The following PAX2 variants were observed in gnomAD, a reference collection of about 807,000 sequenced individuals.
The protein encoded by PAX2 is paired box 2.
In PAX2, 9 loss-of-function variants were observed where a neutral mutation model predicts 41.7. The observed-to-expected ratio is 0.22, with a 90% CI of 0.13 to 0.38. The LOEUF is 0.38. Ranked by LOEUF, PAX2 falls within the 10% of genes least tolerant of loss-of-function variation. The probability of loss-of-function intolerance (pLI) is 1.00; values close to 1 mark genes in which losing one functional copy is unlikely to be tolerated. For missense variants in PAX2, 418 were observed against 531.6 expected (o/e 0.79, Z 2.10); for synonymous variants, 221 against 212.7 (o/e 1.04, Z -0.34).
chr10:100,815,390 T>C (rs1303679826), intron 7 of PAX2, among the ~76,000 whole-genome samples: 1 of 152,134 alleles, frequency 6.6e-6, no homozygotes, highest in Non-Finnish European at 1.5e-5. Flanking sequence ...TTCAGACGTG[T>C]GGCAAGTCAG....
At chr10:100,820,556 T>G (rs1457599989) in intron 7 of PAX2, among the ~76,000 whole-genome samples, 1 of 152,076 alleles carries the variant, frequency 6.6e-6, no homozygotes, top group African/African-American at 2.4e-5. Flanking sequence ...CTGTCTCTAC[T>G]AAAAATACAA....
At chr10:100,800,133 C>G (rs779688789) in intron 5 of PAX2, among the ~76,000 whole-genome samples, 2 of 152,150 alleles carry the variant, frequency 1.3e-5, no homozygotes, top group Non-Finnish European at 2.9e-5. Context: ...TCAAATACCT[C>G]ATCTTGCTTC....
At chr10:100,823,226 G>A (rs1001676426) in intron 7 of PAX2, among the ~76,000 whole-genome samples, 13 of 152,318 alleles carry the variant, frequency 8.5e-5, no homozygotes, top group Non-Finnish European at 1.2e-4. Flanking sequence ...CATAAGAACC[G>A]ACAGAGGGAA....
intron 3 of PAX2, among the ~76,000 whole-genome samples, chr10:100,764,235 C>T (rs1444554506): frequency 6.6e-6 from 1 of 150,986 alleles, no homozygotes; most frequent in Non-Finnish European, 1.5e-5. Context: ...CCTCCGCCTC[C>T]CGGGTTCATG....
chr10:100,735,565 G>C (rs1470548271), exon 1 of PAX2: 1 of 612,190 alleles, frequency 1.6e-6, no homozygotes. Context: ...GGGCGGCTCG[G>C]GTTATCTGAG....
At chr10:100,742,660 T>C (rs1398709063), upstream of PAX2, among the ~76,000 whole-genome samples, 1 of 151,664 alleles carries the variant, frequency 6.6e-6, no homozygotes, top group Non-Finnish European at 1.5e-5. Context: ...GCTCCTTGTT[T>C]GAAGTGTAAA....
At chr10:100,806,825 G>C (rs1847801086) in intron 6 of PAX2, among the ~76,000 whole-genome samples, 1 of 152,276 alleles carries the variant, frequency 6.6e-6, no homozygotes, top group East Asian at 1.9e-4. Flanking sequence ...TGAGTTCTGG[G>C]TGCAAGAGTA....
At position 100,805,068 on chromosome 10, in the gene PAX2, ACACAC is replaced by A. The variant is rs1445894059; in HGVS notation, c.617-1361_617-1357del. On this transcript the variant is annotated intron_variant, in intron 5 of 9. Coordinates refer to ENST00000355243, the MANE Select transcript of PAX2 (RefSeq NM_000278.5). Reference sequence around the variant, plus strand: ...CACACACACACACACACACACACACACACACACTTTCTTTGCTTTCCCACCCCCTC... The same window carrying A: ...CACACACACACACACACACACACACAACTTTCTTTGCTTTCCCACCCCCTC... Among the ~76,000 whole-genome samples the A allele has an allele frequency of 4.2e-4, 46 of 110,450 alleles. No individual in the cohort carries two copies. The East Asian group carries it at 0.011, about 27-fold the overall frequency. The allele number at this position is 110,450 out of a possible 152,430, so 72.5% of individuals were successfully genotyped here. A position where few individuals can be genotyped will look rare whatever the true frequency, so the allele number is the denominator to read the frequency against.
rs1315290840 is a variant in PAX2 at position 100,829,427 on chromosome 10, C to A, written c.*1808C>A. On this transcript the variant is annotated 3_prime_UTR_variant, in exon 10 of 10. Coordinates refer to ENST00000355243, the MANE Select transcript of PAX2 (RefSeq NM_000278.5). ...CCCCCTCGCGGGCGTGCCCCGCGCG[C>A]CCCGGGCGGCCGAAGGCCGGGCCGC... is the stretch of plus-strand genomic sequence containing the variant. The A allele has an allele frequency of 2.9e-5, 6 of 205,292 alleles. No individual in the cohort carries two copies. Among genetic ancestry groups the A allele is most frequent in the Non-Finnish European group, 6.0e-5 (6 of 99,992 alleles). The allele number at this position is 205,292 out of a possible 1,614,324, so 12.7% of individuals were successfully genotyped here.
intron 3 of PAX2, among the ~76,000 whole-genome samples, chr10:100,773,494 T>A (rs1846282264): frequency 6.6e-6 from 1 of 152,260 alleles, no homozygotes; most frequent in South Asian, 2.1e-4. Flanking sequence ...ATACATAACA[T>A]AACATAATAT....
At chr10:100,806,367 T>C (rs1847780403) in intron 5 of PAX2, 63 bp from the exon 6 acceptor site, 1 of 1,555,352 alleles carries the variant, frequency 6.4e-7, no homozygotes, top group Non-Finnish European at 8.9e-7. Flanking sequence ...CTCTTTGCCC[T>C]GCACTGTTCC....
In PAX2 at chr10:100,748,298, T is replaced by G. The variant is rs1589809330; in HGVS notation, c.44-1448T>G. On this transcript the variant is annotated intron_variant, in intron 1 of 9. Coordinates refer to ENST00000355243, the MANE Select transcript of PAX2 (RefSeq NM_000278.5). The surrounding 1 kb of genome is among the most constrained non-coding windows in gnomAD (Gnocchi z 5.0). ...GTCGGGGTTTGGAGGGAGGGGAGGG[T>G]GAGAAGTGGGGCTAGAGATAGGGAG... The G allele has an allele frequency of 2.1e-6, 2 of 973,030 alleles. No homozygotes were observed. The highest frequency in any genetic ancestry group is 1.9e-5 in the African/African-American group (1 of 52,926). The allele number at this position is 973,030 out of a possible 1,614,324, so 60.3% of individuals were successfully genotyped here.
chr10:100,740,027 C>T (rs1181127331), intron 1 of PAX2, among the ~76,000 whole-genome samples: 1 of 152,230 alleles, frequency 6.6e-6, no homozygotes, highest in East Asian at 1.9e-4. Flanking sequence ...TCTTCCCCTC[C>T]TGTCTCTCCC....
intron 7 of PAX2, among the ~76,000 whole-genome samples, chr10:100,814,351 C>CAAAAAAAAA (rs11458573): frequency 4.1e-4 from 22 of 53,632 alleles, no homozygotes; most frequent in East Asian, 1.8e-3. Flanking sequence ...GACTCCATCT[C>CAAAAAAAAA]AAAAAAAAAA....
Position 100,824,551 on chromosome 10 carries a change from C to G in PAX2, c.920-97C>G. On this transcript the variant is annotated intron_variant, in intron 7 of 9. Transcript: ENST00000355243. The surrounding 1 kb of genome is among the most constrained non-coding windows in gnomAD (Gnocchi z 6.6). The stretch of plus-strand genomic sequence containing the variant: ...CCTGCACGTCTGCACAGAGCTCTTT[C>G]CTCTCCAAGAGTTTCCTCTCCGTGC... 1 of 892,094 alleles carries G rather than the reference C, an allele frequency of 1.1e-6. No individual in the cohort carries two copies. Among genetic ancestry groups the G allele is most frequent in the South Asian group, 1.3e-5 (1 of 76,678 alleles). The allele number at this position is 892,094 out of a possible 1,614,324, so 55.3% of individuals were successfully genotyped here.
In PAX2 at chr10:100,827,615, A is replaced by C. The variant is rs770933086; in HGVS notation, c.1181A>C (p.His394Pro). 2.3e-5 allele frequency: 37 copies of C among 1,613,320 alleles called. No homozygotes were observed. The African/African-American group carries it at 3.7e-4, about 16-fold the overall frequency. The change falls in exon 10 of 10, where the codon CAC becomes CCC. Residue 394 changes from histidine (H) to proline (P), a missense_variant. Transcript: ENST00000355243. This position sits in a 1 kb window ranked among gnomAD's most constrained non-coding sequence, Gnocchi z 8.5. ...PAAAAAAYDRH is the reference protein window; with the variant it reads ...PAAAAAAYDRP ...GCTGCTGCCGCTGCCTATGACCGCC[A>C]CTAGTTACCGCGGGGACCACATCAA... is the stretch of plus-strand genomic sequence containing the variant.
chr10:100,793,478 A>G (rs1053439016), intron 5 of PAX2, among the ~76,000 whole-genome samples: 2 of 152,142 alleles, frequency 1.3e-5, no homozygotes, highest in African/African-American at 4.8e-5. Context: ...CATGGATCGC[A>G]CACATCTAGG....
intron 3 of PAX2, among the ~76,000 whole-genome samples, chr10:100,755,436 A>C (rs1845593317): frequency 6.6e-6 from 1 of 152,262 alleles, no homozygotes; most frequent in African/African-American, 2.4e-5. Context: ...AAAGAAGAAA[A>C]GAGAGGGAAA....
In PAX2 at chr10:100,763,713, C is replaced by G. The variant is rs140947061; in HGVS notation, c.410+12822C>G. Reference sequence around the variant, plus strand: ...GACATGTGGCTTTTTCTTCATTTATCTTTTCATTCATCCATTCAGAAGCAA... The same window carrying G: ...GACATGTGGCTTTTTCTTCATTTATGTTTTCATTCATCCATTCAGAAGCAA... On this transcript the variant is annotated intron_variant, in intron 3 of 9. Transcript: ENST00000355243. Among the ~76,000 whole-genome samples, 550 of 152,302 alleles carry G rather than the reference C, an allele frequency of 3.6e-3. 2 individuals carry two copies. The highest frequency in any genetic ancestry group is 0.013 in the African/African-American group (527 of 41,568).
Sources: gnomAD v4.1 joint callset for allele counts (sites outside exome capture counted in the v4.1 genomes callset) on GRCh38, gnomAD v4.1.1 for gene constraint, Gnocchi (gnomAD v3.1) non-coding constraint, MANE v1.5 for transcripts, NCBI Gene and HGNC (gene_info 2026-07-23, HGNC 2026-07-21) for gene names.